Variants in RBFOX1 observed in about 807,000 individuals in gnomAD.
The protein encoded by RBFOX1 is RNA binding fox-1 homolog 1.
In RBFOX1, 8 loss-of-function variants were observed where a neutral mutation model predicts 57.7. The observed-to-expected ratio is 0.14, with a 90% CI of 0.08 to 0.25. RBFOX1 has a LOEUF of 0.25. RBFOX1 is among the 10% of genes least tolerant of loss of function. The probability of loss-of-function intolerance (pLI) is 1.00; values close to 1 mark genes in which losing one functional copy is unlikely to be tolerated. For missense variants in RBFOX1, 611 were observed against 548.5 expected, an observed-to-expected ratio of 1.11 and a Z score of -1.14; for synonymous variants, 326 against 222.4, an observed-to-expected ratio of 1.47 and a Z score of -4.15.
At chr16:6,129,978 C>T (rs890135796) in intron 1 of RBFOX1, among the ~76,000 whole-genome samples, 1 of 151,992 alleles carries the variant, frequency 6.6e-6, no homozygotes, top group African/African-American at 2.4e-5. Context: ...AACACATTTT[C>T]ATCTAAAGGA....
chr16:7,141,047 C>A (rs1472620932), intron 4 of RBFOX1, among the ~76,000 whole-genome samples: 1 of 152,130 alleles, frequency 6.6e-6, no homozygotes, highest in African/African-American at 2.4e-5. Flanking sequence ...CAGGAAGCCA[C>A]CCTCAGCAAA....
At chr16:5,830,852 G>T (rs1463008333) in intron 3 of RBFOX1, among the ~76,000 whole-genome samples, 2 of 152,094 alleles carry the variant, frequency 1.3e-5, no homozygotes, top group Non-Finnish European at 2.9e-5. Flanking sequence ...CCTGGCTGTT[G>T]TCTCTGCCTA....
At chr16:7,179,762 T>A (rs142101065) in intron 4 of RBFOX1, among the ~76,000 whole-genome samples, 2 of 152,090 alleles carry the variant, frequency 1.3e-5, no homozygotes, top group East Asian at 3.9e-4. Context: ...TGAGATGGAG[T>A]CTTGCTCTGT....
intron 1 of RBFOX1, among the ~76,000 whole-genome samples, chr16:5,342,192 C>T (rs1043787139): frequency 3.9e-5 from 6 of 152,182 alleles, no homozygotes; most frequent in South Asian, 2.1e-4. Context: ...TTGTTTTACT[C>T]TTACCTTTCA....
chr16:5,918,081 C>G (rs2058747390), intron 4 of RBFOX1, among the ~76,000 whole-genome samples: 1 of 152,146 alleles, frequency 6.6e-6, no homozygotes, highest in Non-Finnish European at 1.5e-5. Flanking sequence ...TCAGCAACAG[C>G]CTGCAGTTCT....
Position 7,527,169 on chromosome 16 carries a change from T to G in RBFOX1, c.270+8780T>G, listed in dbSNP as rs549949411. On this transcript the variant is annotated intron_variant, in intron 5 of 15. Coordinates refer to ENST00000550418, the MANE Select transcript of RBFOX1 (RefSeq NM_018723.4). Reference sequence around the variant, plus strand: ...CTGTTTTGTCAATACCAGTTCTATTTTCCTAAAATTCACATTTAATTTGAA... The same window carrying G: ...CTGTTTTGTCAATACCAGTTCTATTGTCCTAAAATTCACATTTAATTTGAA... 9.2e-4 allele frequency among the ~76,000 whole-genome samples: 140 copies of G among 152,302 alleles called. 2 individuals are homozygous for G. Among genetic ancestry groups the G allele is most frequent in the Admixed American group, 3.4e-3 (52 of 15,292 alleles).
chr16:6,359,145 T>A (rs1176967126), intron 2 of RBFOX1, among the ~76,000 whole-genome samples: 1 of 152,138 alleles, frequency 6.6e-6, no homozygotes, highest in Non-Finnish European at 1.5e-5. Context: ...CAGGCTGGAG[T>A]GCAGTGGCAC....
intron 1 of RBFOX1, among the ~76,000 whole-genome samples, chr16:6,164,125 C>G: frequency 6.6e-6 from 1 of 152,154 alleles, no homozygotes; most frequent in Middle Eastern, 3.2e-3. Flanking sequence ...GTTTTATATT[C>G]TGTGACCATA....
intron 3 of RBFOX1, among the ~76,000 whole-genome samples, chr16:6,814,642 G>C (rs907544038): frequency 1.3e-5 from 2 of 152,134 alleles, no homozygotes; most frequent in African/African-American, 4.8e-5. Context: ...ACAGGTAGGG[G>C]ACAAAGAGGC....
intron 3 of RBFOX1, among the ~76,000 whole-genome samples, chr16:7,010,470 G>T (rs1046696717): frequency 2.6e-5 from 4 of 152,110 alleles, no homozygotes; most frequent in African/African-American, 9.7e-5. Flanking sequence ...CGAGGGGCTA[G>T]ATCTCTGGTG....
chr16:7,224,234 T>G (rs181795769), intron 4 of RBFOX1, among the ~76,000 whole-genome samples: 1 of 150,598 alleles, frequency 6.6e-6, no homozygotes, highest in African/African-American at 2.4e-5. Context: ...GCCATTCCAG[T>G]TATAAAATGG....
At chr16:5,778,212 G>A (rs74006283) in intron 3 of RBFOX1, among the ~76,000 whole-genome samples, 3,679 of 152,166 alleles carry the variant, frequency 0.024, 160 homozygotes, top group African/African-American at 0.083. Context: ...TGAGAGTTAC[G>A]GTGCCAGAAT....
chr16:7,446,661 G>C (rs1369909675), intron 4 of RBFOX1, among the ~76,000 whole-genome samples: 2 of 152,074 alleles, frequency 1.3e-5, no homozygotes, highest in Non-Finnish European at 2.9e-5. Context: ...TACACCAGCA[G>C]CCTCAGTAAC....
intron 3 of RBFOX1, among the ~76,000 whole-genome samples, chr16:7,050,752 T>C (rs904827223): frequency 6.6e-6 from 1 of 152,242 alleles, no homozygotes; most frequent in Admixed American, 6.5e-5. Context: ...CAGTATACTA[T>C]ATTTTTTAAT....
At chr16:6,856,970 C>G (rs1379677411) in intron 3 of RBFOX1, among the ~76,000 whole-genome samples, 3 of 152,058 alleles carry the variant, frequency 2.0e-5, no homozygotes, top group African/African-American at 7.2e-5. Context: ...AAGGGAGGGA[C>G]AAAGAGAAGG....
At chr16:5,430,006 C>A (rs1361240817) in intron 1 of RBFOX1, among the ~76,000 whole-genome samples, 1 of 152,164 alleles carries the variant, frequency 6.6e-6, no homozygotes, top group Non-Finnish European at 1.5e-5. Flanking sequence ...GTTACTATCT[C>A]AAGAACTTTG....
chr16:6,511,228 C>T lies in RBFOX1; in HGVS notation c.-63-143375C>T, dbSNP rs187622426. 3.8e-4 allele frequency among the ~76,000 whole-genome samples: 58 copies of T among 152,208 alleles called. 1 individual carries two copies. The highest frequency in any genetic ancestry group is 1.1e-3 in the African/African-American group (47 of 41,522). ...GCGAAGAGTGTGATACTCTGATACT[C>T]AGATGTGTTGGTGCCCCCATAAAAG... is the stretch of plus-strand genomic sequence containing the variant. On this transcript the variant is annotated intron_variant, in intron 2 of 15. Coordinates refer to ENST00000550418, the MANE Select transcript of RBFOX1 (RefSeq NM_018723.4).
chr16:5,321,268 A>C (rs147105930), intron 1 of RBFOX1, among the ~76,000 whole-genome samples: 2 of 152,298 alleles, frequency 1.3e-5, no homozygotes, highest in African/African-American at 4.8e-5. Context: ...GTGAGAAGCA[A>C]AATTGACACT....
At chr16:6,057,248 G>C (rs773926897) in intron 1 of RBFOX1, 1 of 151,994 alleles carries the variant, frequency 6.6e-6, no homozygotes, top group Non-Finnish European at 1.5e-5. Context: ...TCTAAATGCA[G>C]CTCATTCATT....
Sources: allele counts gnomAD v4.1 joint callset (sites outside exome capture counted in the v4.1 genomes callset), GRCh38; gene constraint gnomAD v4.1.1; transcripts MANE v1.5; gene names NCBI Gene and HGNC (gene_info 2026-07-23, HGNC 2026-07-21).